Variants in NRXN1 observed in about 807,000 individuals in gnomAD.
The protein encoded by NRXN1 is neurexin 1.
In NRXN1, 39 loss-of-function variants were observed where a neutral mutation model predicts 150.9. That is an observed-to-expected ratio of 0.26 (90% CI 0.20 to 0.34). The LOEUF (loss-of-function observed/expected upper bound fraction) is 0.34. Among genes scored for constraint, NRXN1 ranks in the 10% least tolerant of loss-of-function variants. The probability of loss-of-function intolerance (pLI) is 1.00; values close to 1 mark genes in which losing one functional copy is unlikely to be tolerated. For synonymous variants in NRXN1, 924 were observed against 757.0 expected, an observed-to-expected ratio of 1.22 and a Z score of -3.62; for missense variants, 1,815 against 1,949.9, an observed-to-expected ratio of 0.93 and a Z score of 1.30.
In NRXN1 at chr2:50,384,505, CAAAAAAAAAAAAAAA is replaced by C. The variant is rs56052881; in HGVS notation, c.3364+80922_3364+80936del. Among the ~76,000 whole-genome samples the C allele has an allele frequency of 1.8e-4, 10 of 55,962 alleles. No individual in the cohort carries two copies. The South Asian group carries it at 4.1e-3, about 23-fold the overall frequency. 36.7% of individuals were successfully genotyped at this position (55,962 alleles called of 152,430 possible). On this transcript the variant is annotated intron_variant, in intron 17 of 22. Transcript: ENST00000401669. ...TGAATGACAGAGCAAGACTCCATCT[CAAAAAAAAAAAAAAA>C]AAAAAAAAAAAAAAATGCATCCTCT... is the stretch of plus-strand genomic sequence containing the variant.
rs1311361908 is a variant in NRXN1, at chr2:50,447,751, A to C, written c.3364+17691T>G. Among the ~76,000 whole-genome samples the C allele has an allele frequency of 7.5e-5, 4 of 53,470 alleles. 1 individual carries two copies. The highest frequency in any genetic ancestry group is 2.6e-4 in the African/African-American group (4 of 15,206). 35.1% of individuals were successfully genotyped at this position (53,470 alleles called of 152,430 possible). On this transcript the variant is annotated intron_variant, in intron 17 of 22. Coordinates refer to ENST00000401669, the MANE Select transcript of NRXN1 (RefSeq NM_001330078.2). ...GCAGGGGAACGTTATATATATATAT[A>C]TATATATATATATATATATATATAT...
At chr2:50,484,900 G>A (rs2090754183) in intron 15 of NRXN1, among the ~76,000 whole-genome samples, 5 of 152,144 alleles carry the variant, frequency 3.3e-5, no homozygotes, top group Admixed American at 3.3e-4. Flanking sequence ...TTTATTTTAT[G>A]ATATTTCCCC....
At chr2:50,527,375 G>A (rs1003740141) in intron 12 of NRXN1, among the ~76,000 whole-genome samples, 11 of 152,142 alleles carry the variant, frequency 7.2e-5, no homozygotes, top group African/African-American at 1.2e-4. Flanking sequence ...AGTTGGAGAG[G>A]AGATTACATA....
At chr2:50,454,348 A>G (rs900271230) in intron 17 of NRXN1, among the ~76,000 whole-genome samples, 4 of 152,060 alleles carry the variant, frequency 2.6e-5, no homozygotes, top group African/African-American at 7.2e-5. Flanking sequence ...TAAATAAATA[A>G]AAATAATTAA....
chr2:50,329,675 T>A (rs2682001), intron 17 of NRXN1, among the ~76,000 whole-genome samples: 1,679 of 18,618 alleles, frequency 0.09, 65 homozygotes, highest in Non-Finnish European at 0.12. Flanking sequence ...ATATATATAT[T>A]TTTTTTTTTC....
chr2:49,982,800 C>A (rs532044508), intron 21 of NRXN1, among the ~76,000 whole-genome samples: 3 of 152,078 alleles, frequency 2.0e-5, no homozygotes, highest in Non-Finnish European at 4.4e-5. Context: ...TAACAATTTT[C>A]TTCCTTTGTA....
At chr2:50,026,792 C>G (rs1191417385) in intron 21 of NRXN1, among the ~76,000 whole-genome samples, 1 of 148,228 alleles carries the variant, frequency 6.7e-6, no homozygotes, top group African/African-American at 2.5e-5. Context: ...GAGAGCAACT[C>G]ACAGAAATTA....
chr2:50,952,052 C>T (rs1266281653), intron 2 of NRXN1, among the ~76,000 whole-genome samples: 32 of 143,978 alleles, frequency 2.2e-4, no homozygotes, highest in African/African-American at 7.1e-4. Context: ...CTGCAAGCTC[C>T]GCCTCCCGGG....
At chr2:50,390,632 T>G (rs1041748371) in intron 17 of NRXN1, among the ~76,000 whole-genome samples, 3 of 152,164 alleles carry the variant, frequency 2.0e-5, no homozygotes, top group Admixed American at 6.6e-5. Flanking sequence ...CTCTAAGAGG[T>G]GATTAGGCCA....
At chr2:50,301,489 ATCTG>A (rs1222292460) in intron 17 of NRXN1, among the ~76,000 whole-genome samples, 1 of 152,208 alleles carries the variant, frequency 6.6e-6, no homozygotes, top group East Asian at 1.9e-4. Flanking sequence ...TTAACAGGTA[ATCTG>A]TCTGTTTAAA....
At chr2:50,133,380 G>A (rs1705860379) in intron 18 of NRXN1, among the ~76,000 whole-genome samples, 1 of 141,302 alleles carries the variant, frequency 7.1e-6, no homozygotes, top group Non-Finnish European at 1.6e-5. Context: ...ATGCAAGATA[G>A]TTTGTTAGAT....
At chr2:50,786,871 A>G (rs142579456) in intron 5 of NRXN1, among the ~76,000 whole-genome samples, 135 of 152,306 alleles carry the variant, frequency 8.9e-4, no homozygotes, top group African/African-American at 3.1e-3. Flanking sequence ...AGTGAAATAG[A>G]ACACCAAGCT....
At position 50,742,512 on chromosome 2, in the gene NRXN1, G is replaced by T. The variant is rs1178481142; in HGVS notation, c.833-118897C>A. 1.3e-5 allele frequency among the ~76,000 whole-genome samples: 2 copies of T among 151,086 alleles called. 1 individual carries two copies. Among genetic ancestry groups the T allele is most frequent in the Admixed American group, 1.3e-4 (2 of 15,148 alleles). ...AATTCCAGCTACTTGGGAGGCTGAGGCAGGAGAATCGTTTGAGCCCGGGAG... is the reference window on the plus strand; with the variant it reads ...AATTCCAGCTACTTGGGAGGCTGAGTCAGGAGAATCGTTTGAGCCCGGGAG... On this transcript the variant is annotated intron_variant, in intron 5 of 22. Coordinates refer to ENST00000401669, the MANE Select transcript of NRXN1 (RefSeq NM_001330078.2).
intron 19 of NRXN1, among the ~76,000 whole-genome samples, chr2:50,055,618 C>T (rs1312344076): frequency 6.6e-6 from 1 of 152,154 alleles, no homozygotes. Context: ...GTATTTCACA[C>T]AAATTGATTT....
chr2:49,947,966 T>G (rs1673249077), intron 21 of NRXN1, among the ~76,000 whole-genome samples: 1 of 152,076 alleles, frequency 6.6e-6, no homozygotes, highest in South Asian at 2.1e-4. Flanking sequence ...TAATTACAAA[T>G]AATATAATTA....
At chr2:50,634,717 A>G (rs776639861) in intron 5 of NRXN1, among the ~76,000 whole-genome samples, 18 of 152,156 alleles carry the variant, frequency 1.2e-4, no homozygotes, top group Non-Finnish European at 1.9e-4. Flanking sequence ...AAGATGTAGT[A>G]TGCCTCTAGG....
chr2:50,818,033 T>C (rs77373391), intron 5 of NRXN1, among the ~76,000 whole-genome samples: 6,403 of 138,750 alleles, frequency 0.046, 486 homozygotes, highest in African/African-American at 0.16. Flanking sequence ...ATAAAATGCA[T>C]CAAAGCCAGC....
intron 5 of NRXN1, among the ~76,000 whole-genome samples, chr2:50,848,260 G>C (rs1673985785): frequency 6.6e-6 from 1 of 152,130 alleles, no homozygotes; most frequent in Non-Finnish European, 1.5e-5. Flanking sequence ...AGGGGGACAA[G>C]GGAATCTTTC....
intron 5 of NRXN1, among the ~76,000 whole-genome samples, chr2:50,650,705 T>A (rs1685489717): frequency 6.6e-6 from 1 of 152,072 alleles, no homozygotes; most frequent in Admixed American, 6.6e-5. Flanking sequence ...ATAGAATACT[T>A]GCTAATACAA....
Sources: gnomAD v4.1 joint callset for allele counts (sites outside exome capture counted in the v4.1 genomes callset) on GRCh38, gnomAD v4.1.1 for gene constraint, MANE v1.5 for transcripts, NCBI Gene and HGNC (gene_info 2026-07-23, HGNC 2026-07-21) for gene names.